Variants in ADAMTSL4 observed in about 807,000 individuals in gnomAD.
ADAMTSL4 encodes ADAMTS like 4, also known as ADAMTS-like protein 4.
ADAMTSL4 carries 97 observed loss-of-function variants against 122.8 expected under a neutral mutation model. The ratio of observed to expected loss-of-function variants is 0.79; its 90% CI spans 0.67 to 0.93. The LOEUF is 0.93. ADAMTSL4 is among the 40% of genes least tolerant of loss of function. ADAMTSL4 has a pLI of 0.00. For missense variants in ADAMTSL4, 1,408 were observed against 1,453.5 expected (o/e 0.97, Z 0.51); for synonymous variants, 592 against 568.0 (o/e 1.04, Z -0.60).
At chr1:150,558,352 C>T (rs1372272706) in intron 14 of ADAMTSL4, 121 bp from the exon 15 acceptor site, 198 of 1,548,002 alleles carry the variant, frequency 1.3e-4, no homozygotes, top group East Asian at 1.7e-4. Context: ...CCTCAGCCCA[C>T]GAAGCCATGT....
Position 150,558,491 on chromosome 1 carries a change from CG to C in ADAMTSL4, c.2405del (p.Gly802AlafsTer17). ...PWSQCSVRCGRGQRSRQVRCV... is the reference protein window; with the variant it reads ...PWSQCSVRCGXGQRSRQVRCV... ...CCCTCAGTGCTCCGTGCGGTGCGGCCGGGGCCAGAGAAGCCGGCAGGTTCGC... is the reference window on the plus strand; with the variant it reads ...CCCTCAGTGCTCCGTGCGGTGCGGCCGGGCCAGAGAAGCCGGCAGGTTCGC... On this transcript the variant is annotated frameshift_variant, in exon 15 of 19. Transcript: ENST00000271643. LOFTEE classifies it high-confidence loss of function. 1.2e-6 allele frequency: 2 copies of C among 1,613,640 alleles called. No homozygotes were observed. The highest frequency in any genetic ancestry group is 1.1e-5 in the South Asian group (1 of 91,080).
In ADAMTSL4 at chr1:150,554,247, G is replaced by C. The variant is rs1671763809; in HGVS notation, c.1132-118G>C. On this transcript the variant is annotated intron_variant, in intron 6 of 18. Transcript: ENST00000271643. The surrounding 1 kb of genome is among the most constrained non-coding windows in gnomAD (Gnocchi z 4.0). ...GGGCCTTGGCATCTGACCACCTCAGGGCAGGGGTCTTGGAGCTCTTCCGCT... is the reference window on the plus strand; with the variant it reads ...GGGCCTTGGCATCTGACCACCTCAGCGCAGGGGTCTTGGAGCTCTTCCGCT... 2.8e-6 allele frequency: 4 copies of C among 1,438,840 alleles called. No individual in the cohort carries two copies. The highest frequency in any genetic ancestry group is 2.9e-6 in the Non-Finnish European group (3 of 1,032,382). 89.1% of individuals were successfully genotyped at this position (1,438,840 alleles called of 1,614,324 possible). A position where few individuals can be genotyped will look rare whatever the true frequency, so the allele number is the denominator to read the frequency against.
chr1:150,550,525 G>A (rs956197307), intron 2 of ADAMTSL4: 1 of 369,684 alleles, frequency 2.7e-6, no homozygotes, highest in South Asian at 2.0e-5. Context: ...CTCGGTGGCA[G>A]AGAGAAGCAG....
chr1:150,551,467 T>C (rs1394332517), intron 2 of ADAMTSL4: 1 of 178,688 alleles, frequency 5.6e-6, no homozygotes, highest in African/African-American at 2.4e-5. Context: ...GAAGGTCTTG[T>C]GTCTGGAAGA....
Position 150,552,802 on chromosome 1 carries a change from G to C in ADAMTSL4, c.79-96G>C, listed in dbSNP as rs1481332563. 3.6e-6 allele frequency: 5 copies of C among 1,393,102 alleles called. No homozygotes were observed. The highest frequency in any genetic ancestry group is 5.1e-6 in the Non-Finnish European group (5 of 989,438). The allele number at this position is 1,393,102 out of a possible 1,614,324, so 86.3% of individuals were successfully genotyped here. On this transcript the variant is annotated intron_variant, in intron 4 of 18. Coordinates refer to ENST00000271643, the MANE Select transcript of ADAMTSL4 (RefSeq NM_019032.6). This position sits in a 1 kb window ranked among gnomAD's most constrained non-coding sequence, Gnocchi z 4.0. ...TGCTGCTGAATGTGACCTTGGACTG[G>C]TAGCGACTCCGTGAGCCTCAGTGTT...
Position 150,552,002 on chromosome 1 carries a change from G to A in ADAMTSL4, c.-84-203G>A, listed in dbSNP as rs1221318744. On this transcript the variant is annotated intron_variant, in intron 2 of 18. Transcript: ENST00000271643. The surrounding 1 kb of genome is among the most constrained non-coding windows in gnomAD (Gnocchi z 4.0). ...CCTACAGGGCCCAGAGGTGGGGACTGAGCCTTAGTTGGAGGGCTGAGGTCA... is the reference window on the plus strand; with the variant it reads ...CCTACAGGGCCCAGAGGTGGGGACTAAGCCTTAGTTGGAGGGCTGAGGTCA... The A allele has an allele frequency of 4.1e-6, 2 of 489,074 alleles. No homozygotes were observed. Among genetic ancestry groups the A allele is most frequent in the Non-Finnish European group, 7.3e-6 (2 of 275,388 alleles). The allele number at this position is 489,074 out of a possible 1,614,324, so 30.3% of individuals were successfully genotyped here.
chr1:150,559,981 G>A lies in ADAMTSL4; in HGVS notation c.3088+76G>A, dbSNP rs956490600. ...TGGGAGGAGATGAGAAAGGACCAGT[G>A]GGAATGGGCAGCACACCCATTCCCA... is the stretch of plus-strand genomic sequence containing the variant. On this transcript the variant is annotated intron_variant, in intron 18 of 18. Transcript: ENST00000271643. This position sits in a 1 kb window ranked among gnomAD's most constrained non-coding sequence, Gnocchi z 4.1. 8.7e-6 allele frequency: 14 copies of A among 1,613,738 alleles called. No individual in the cohort carries two copies. Among genetic ancestry groups the A allele is most frequent in the Non-Finnish European group, 1.1e-5 (13 of 1,180,006 alleles).
intron 8 of ADAMTSL4, among the ~76,000 whole-genome samples, 182 bp downstream of exon 8, chr1:150,555,747 A>G (rs1363097230): frequency 6.6e-6 from 1 of 151,914 alleles, no homozygotes; most frequent in Non-Finnish European, 1.5e-5. Flanking sequence ...ACACACGCAT[A>G]TGCACACACA....
chr1:150,549,983 G>T lies in ADAMTSL4; in HGVS notation c.-85+88G>T. 4.5e-6 allele frequency: 1 copy of T among 221,304 alleles called. No individual in the cohort carries two copies. The highest frequency in any genetic ancestry group is 1.0e-5 in the Non-Finnish European group (1 of 98,560). 13.7% of individuals were successfully genotyped at this position (221,304 alleles called of 1,614,324 possible). On this transcript the variant is annotated intron_variant, in intron 2 of 18. Coordinates refer to ENST00000271643, the MANE Select transcript of ADAMTSL4 (RefSeq NM_019032.6). The surrounding 1 kb of genome is among the most constrained non-coding windows in gnomAD (Gnocchi z 5.0). Reference sequence around the variant, plus strand: ...TGTTGGGGTGGCCTGCCAGACCCAGGAGTGGAGGGCTCTGAGGGCCCGGGA... The same window carrying T: ...TGTTGGGGTGGCCTGCCAGACCCAGTAGTGGAGGGCTCTGAGGGCCCGGGA...
At position 150,553,893 on chromosome 1, in the gene ADAMTSL4, C is replaced by G. The variant is rs776551440; in HGVS notation, c.902C>G (p.Pro301Arg). Residue 301 changes from proline to arginine, a missense_variant, in exon 6 of 19, where the codon CCT becomes CGT. Coordinates refer to ENST00000271643, the MANE Select transcript of ADAMTSL4 (RefSeq NM_019032.6). Reference protein sequence around the residue: ...SPQVAGRRPDPFPSVPRGRGQ... With the variant: ...SPQVAGRRPDRFPSVPRGRGQ... ...CAGGTAGCAGGGAGACGCCCTGATC[C>G]TTTTCCTTCGGTCCCTCGGGGCCGA... The G allele has an allele frequency of 4.3e-6, 7 of 1,613,706 alleles. No individual in the cohort carries two copies. Among genetic ancestry groups the G allele is most frequent in the African/African-American group, 2.7e-5 (2 of 74,920 alleles).
intron 2 of ADAMTSL4, 184 bp downstream of exon 2, chr1:150,550,079 G>A (rs1671240256): frequency 2.7e-6 from 1 of 366,500 alleles, no homozygotes; most frequent in African/African-American, 2.1e-5. Flanking sequence ...CTCCAGCAGG[G>A]AGACCTGGGG....
Position 150,555,477 on chromosome 1 carries a change from G to T in ADAMTSL4, c.1283G>T (p.Arg428Leu), listed in dbSNP as rs201877614. 2 of 1,614,032 alleles carry T rather than the reference G, an allele frequency of 1.2e-6. No individual in the cohort carries two copies. Among genetic ancestry groups the T allele is most frequent in the Admixed American group, 1.7e-5 (1 of 60,002 alleles). Residue 428 changes from arginine (R) to leucine (L), a missense_variant, in exon 8 of 19, where the codon CGC becomes CTC. Coordinates refer to ENST00000271643, the MANE Select transcript of ADAMTSL4 (RefSeq NM_019032.6). ...CELNCRPRGF[R>L]FYVRHTEKVQ... ...CTGAACTGCCGGCCCCGTGGCTTCC[G>T]CTTCTATGTCCGTCACACTGAAAAG...
intron 5 of ADAMTSL4, 65 bp from the exon 6 acceptor site, chr1:150,553,361 T>C: frequency 6.2e-7 from 1 of 1,606,306 alleles, no homozygotes; most frequent in Non-Finnish European, 8.5e-7. Flanking sequence ...TGCCAGGAAG[T>C]AAACTGGGGA....
In ADAMTSL4 at chr1:150,559,410, C is replaced by A; in HGVS notation, c.2887C>A (p.Gln963Lys). Residue 963 changes from glutamine to lysine, a missense_variant, in exon 17 of 19, where the codon CAG becomes AAG. Physicochemically the swap from Gln to Lys is moderately conservative, Grantham distance 53 (BLOSUM62 1). Coordinates refer to ENST00000271643, the MANE Select transcript of ADAMTSL4 (RefSeq NM_019032.6). This position sits in a 1 kb window ranked among gnomAD's most constrained non-coding sequence, Gnocchi z 4.1. ...CSHLPRPPAL[Q>K]PCQGQACQDR... ...TCACCTCCCCAGGCCCCCTGCCCTG[C>A]AGCCCTGTCAAGGGCAGGCCTGCCA... 1 of 1,613,546 alleles carries A rather than the reference C, an allele frequency of 6.2e-7. No individual in the cohort carries two copies. Among genetic ancestry groups the A allele is most frequent in the Non-Finnish European group, 8.5e-7 (1 of 1,179,986 alleles).
chr1:150,555,622 C>A, intron 8 of ADAMTSL4, 57 bp downstream of exon 8: 1 of 1,598,348 alleles, frequency 6.3e-7, no homozygotes, highest in Non-Finnish European at 8.5e-7. Context: ...CAGACACATG[C>A]CCCCATATGC....
In ADAMTSL4 at chr1:150,556,235, C is replaced by T; in HGVS notation, c.1445C>T (p.Ser482Phe). 6.2e-7 allele frequency: 1 copy of T among 1,614,196 alleles called. No individual in the cohort carries two copies. Among genetic ancestry groups the T allele is most frequent in the Non-Finnish European group, 8.5e-7 (1 of 1,180,024 alleles). Reference protein sequence around the residue: ...DGCGVCGGDDSTCRLVSGNLT... With the variant: ...DGCGVCGGDDFTCRLVSGNLT... ...TGTGGAGTCTGTGGGGGTGATGATT[C>T]TACCTGTCGCCTTGTTTCGGGGAAC... The change falls in exon 9 of 19, where the codon TCT (serine) becomes TTT (phenylalanine). Residue 482 changes from serine to phenylalanine, a missense_variant. Coordinates refer to ENST00000271643, the MANE Select transcript of ADAMTSL4 (RefSeq NM_019032.6). The surrounding 1 kb of genome is among the most constrained non-coding windows in gnomAD (Gnocchi z 4.1).
Position 150,560,212 on chromosome 1 carries a change from C to A in ADAMTSL4, c.*16C>A, listed in dbSNP as rs372758272. ...TCCCTCCTGAAAGGGGTCCGGGGCACCTTCACGGTTTTCTGTGCCACCATC... is the reference window on the plus strand; with the variant it reads ...TCCCTCCTGAAAGGGGTCCGGGGCAACTTCACGGTTTTCTGTGCCACCATC... On this transcript the variant is annotated 3_prime_UTR_variant, in exon 19 of 19. Transcript: ENST00000271643. 12 of 1,613,532 alleles carry A rather than the reference C, an allele frequency of 7.4e-6. No homozygotes were observed. Among genetic ancestry groups the A allele is most frequent in the Non-Finnish European group, 9.3e-6 (11 of 1,179,770 alleles).
chr1:150,558,786 A>G, intron 15 of ADAMTSL4, 137 bp downstream of exon 15: 1 of 1,554,456 alleles, frequency 6.4e-7, no homozygotes, highest in Admixed American at 1.9e-5. Context: ...CTCAGAGATA[A>G]GTGAGAACAA....
In ADAMTSL4 at chr1:150,553,014, G is replaced by C; in HGVS notation, c.195G>C (p.Gln65His). The change falls in exon 5 of 19, where the codon CAG (glutamine) becomes CAC (histidine). Residue 65 changes from glutamine (Q) to histidine (H), a missense_variant. Gln to His is a conservative substitution (Grantham distance 24). Transcript: ENST00000271643. ...CCCAGCCCTGCGGGGTGGGGGTGCAGCGCAGGAGCCGGACATGTCAGCTCC... is the reference window on the plus strand; with the variant it reads ...CCCAGCCCTGCGGGGTGGGGGTGCACCGCAGGAGCCGGACATGTCAGCTCC... ...SCSQPCGVGV[Q>H]RRSRTCQLPT... 6.2e-7 allele frequency: 1 copy of C among 1,613,282 alleles called. No individual in the cohort carries two copies.
Sources: gnomAD v4.1 joint callset for allele counts (sites outside exome capture counted in the v4.1 genomes callset) on GRCh38, gnomAD v4.1.1 for gene constraint, Gnocchi (gnomAD v3.1) non-coding constraint, MANE v1.5 for transcripts, NCBI Gene and HGNC (gene_info 2026-07-23, HGNC 2026-07-21) for gene names.